The following ABL2 variants were observed in gnomAD, a reference collection of about 807,000 sequenced individuals.
The protein encoded by ABL2 is tyrosine-protein kinase ABL2.
A neutral mutation model predicts 107.7 loss-of-function variants in ABL2; 49 were observed. The observed-to-expected ratio is 0.45, with a 90% confidence interval of 0.36 to 0.58. The LOEUF is 0.58. ABL2 is among the 20% of genes least tolerant of loss of function. ABL2 has a pLI of 0.00. For synonymous variants in ABL2, 549 were observed against 548.6 expected (o/e 1.00, Z -0.01); for missense variants, 1,245 against 1,457.0 (o/e 0.85, Z 2.37).
chr1:179,212,777 T>C (rs1317642152), intron 1 of ABL2, among the ~76,000 whole-genome samples: 3 of 149,300 alleles, frequency 2.0e-5, no homozygotes, highest in African/African-American at 5.0e-5. Context: ...CTGGGCGTGG[T>C]GGCTCATGCC....
Position 179,210,593 on chromosome 1 carries a change from G to A in ABL2, c.157+18648C>T, listed in dbSNP as rs528512133. On this transcript the variant is annotated intron_variant, in intron 1 of 11. Coordinates refer to ENST00000502732, the MANE Select transcript of ABL2 (RefSeq NM_007314.4). The stretch of plus-strand genomic sequence containing the variant: ...TATTTCGCCAGGCGTGGTGGCTCAC[G>A]CCTATAATCCCAGCACTTTGAGGCC... 9.9e-5 allele frequency among the ~76,000 whole-genome samples: 15 copies of A among 151,178 alleles called. No individual in the cohort carries two copies. In the South Asian group the frequency reaches 3.1e-3, roughly 32 times the overall value.
At chr1:179,129,942 GTT>G (rs1346496007) in intron 3 of ABL2, among the ~76,000 whole-genome samples, 2 of 151,706 alleles carry the variant, frequency 1.3e-5, no homozygotes, top group Non-Finnish European at 2.9e-5. Context: ...CTATTCTTTT[GTT>G]TTTGTTTTTT....
intron 1 of ABL2, chr1:179,183,923 C>A: frequency 7.7e-6 from 2 of 259,592 alleles, no homozygotes; most frequent in South Asian, 5.3e-5. Flanking sequence ...GAAGAGACAT[C>A]ATCAGCCTCT....
Position 179,229,649 on chromosome 1 carries a change from G to GCCGCCGCCGCCGCCGCCGCCA in ABL2, c.-253_-252insTGGCGGCGGCGGCGGCGGCGG. 1 of 480,632 alleles carries GCCGCCGCCGCCGCCGCCGCCA rather than the reference G, an allele frequency of 2.1e-6. No individual in the cohort carries two copies. The highest frequency in any genetic ancestry group is 2.1e-5 in the African/African-American group (1 of 47,672). 29.8% of individuals were successfully genotyped at this position (480,632 alleles called of 1,614,324 possible). A position where few individuals can be genotyped will look rare whatever the true frequency, so the allele number is the denominator to read the frequency against. ...CGCCCCCAACGCCGCCGCCGCCGCCGCCGCCACCGCCGCCGCCATCTTTAA... is the reference window on the plus strand; with the variant it reads ...CGCCCCCAACGCCGCCGCCGCCGCCGCCGCCGCCGCCGCCGCCGCCACCGCCACCGCCGCCGCCATCTTTAA... On this transcript the variant is annotated 5_prime_UTR_variant, in exon 1 of 12. Transcript: ENST00000502732.
chr1:179,182,579 C>T (rs1039578315), intron 1 of ABL2, among the ~76,000 whole-genome samples: 2 of 152,170 alleles, frequency 1.3e-5, no homozygotes, highest in African/African-American at 2.4e-5. Flanking sequence ...GTTCCATCCA[C>T]GTTGCCACAA....
chr1:179,104,968 A>C lies in ABL2; in HGVS notation c.*2750T>G, dbSNP rs1178981803. On this transcript the variant is annotated 3_prime_UTR_variant, in exon 12 of 12. Transcript: ENST00000502732. ...AAGCTGGTCCTTTTCAAGTAGAAAA[A>C]GGAAAAACCTAAATTATGCTTGTAT... 1 of 226,444 alleles carries C rather than the reference A, an allele frequency of 4.4e-6. No homozygotes were observed. The highest frequency in any genetic ancestry group is 8.8e-6 in the Non-Finnish European group (1 of 113,878). The allele number at this position is 226,444 out of a possible 1,614,324, so 14.0% of individuals were successfully genotyped here.
chr1:179,172,323 T>G (rs1009868448), intron 1 of ABL2, among the ~76,000 whole-genome samples: 1 of 152,172 alleles, frequency 6.6e-6, no homozygotes, highest in Non-Finnish European at 1.5e-5. Flanking sequence ...CCTCTACCAC[T>G]CTCTGTATAT....
intron 4 of ABL2, among the ~76,000 whole-genome samples, chr1:179,124,855 T>C (rs1213256846): frequency 6.6e-6 from 1 of 152,206 alleles, no homozygotes; most frequent in Non-Finnish European, 1.5e-5. Context: ...TTGCATTATA[T>C]TTCAGATACC....
chr1:179,184,445 C>A, intron 1 of ABL2: 1 of 986,688 alleles, frequency 1.0e-6, no homozygotes. Flanking sequence ...GCTTCTTTAT[C>A]TGGTTTACTG....
intron 1 of ABL2, among the ~76,000 whole-genome samples, chr1:179,178,186 TAA>T (rs936342975): frequency 6.6e-5 from 10 of 151,542 alleles, no homozygotes; most frequent in Non-Finnish European, 1.2e-4. Context: ...TCACTTGACG[TAA>T]AGAGTTCCAG....
chr1:179,206,007 T>C lies in ABL2; in HGVS notation c.157+23234A>G, dbSNP rs149300101. On this transcript the variant is annotated intron_variant, in intron 1 of 11. Transcript: ENST00000502732. ...CTCTATTAGATAGGTATCATTATCATCTCTATTTTACAAATAAGGACATTG... is the reference window on the plus strand; with the variant it reads ...CTCTATTAGATAGGTATCATTATCACCTCTATTTTACAAATAAGGACATTG... 4.4e-3 allele frequency among the ~76,000 whole-genome samples: 665 copies of C among 152,324 alleles called. 1 individual carries two copies. The highest frequency in any genetic ancestry group is 0.01 in the Middle Eastern group (3 of 294).
chr1:179,220,270 G>A (rs916210688), intron 1 of ABL2, among the ~76,000 whole-genome samples: 1 of 152,224 alleles, frequency 6.6e-6, no homozygotes, highest in African/African-American at 2.4e-5. Context: ...CAAGTGAGAT[G>A]AAAGACATAA....
intron 1 of ABL2, among the ~76,000 whole-genome samples, chr1:179,186,416 T>C (rs755192085): frequency 2.6e-5 from 4 of 152,170 alleles, no homozygotes; most frequent in Non-Finnish European, 4.4e-5. Flanking sequence ...TTCGCTCTTC[T>C]TGCCCAGGCT....
chr1:179,140,183 G>A (rs1657445193), intron 1 of ABL2, among the ~76,000 whole-genome samples: 1 of 152,162 alleles, frequency 6.6e-6, no homozygotes, highest in Non-Finnish European at 1.5e-5. Flanking sequence ...GTCTTGCCCA[G>A]CATCTCCTGC....
intron 1 of ABL2, among the ~76,000 whole-genome samples, chr1:179,139,278 G>A (rs1027554020): frequency 3.9e-5 from 6 of 152,118 alleles, no homozygotes; most frequent in Non-Finnish European, 7.4e-5. Context: ...CGAGCCCACC[G>A]GGAGGAACGA....
At chr1:179,195,745 T>G (rs757520787) in intron 1 of ABL2, among the ~76,000 whole-genome samples, 1 of 152,190 alleles carries the variant, frequency 6.6e-6, no homozygotes, top group Non-Finnish European at 1.5e-5. Flanking sequence ...AACACAGATG[T>G]ACCTTGAAGA....
rs1653714965 is a variant in ABL2 at position 179,108,670 on chromosome 1, G to A, written c.2597C>T (p.Ser866Phe). The A allele has an allele frequency of 6.2e-7, 1 of 1,614,214 alleles. No homozygotes were observed. The highest frequency in any genetic ancestry group is 1.1e-5 in the South Asian group (1 of 91,076). The stretch of plus-strand genomic sequence containing the variant: ...CTTCTCTGTAATGGCTAGATCCCCA[G>A]AGGGTGTTCTGAGAGGAAGAGCTGT... ...GATALPLRTP[S>F]GDLAITEKDP... Residue 866 changes from serine to phenylalanine, a missense_variant, in exon 12 of 12, where the codon TCT (serine) becomes TTT (phenylalanine). This residue lies in a region of ABL2 where 761 missense variants were observed against 766.4 expected (regional missense o/e 0.99). Coordinates refer to ENST00000502732, the MANE Select transcript of ABL2 (RefSeq NM_007314.4).
intron 1 of ABL2, among the ~76,000 whole-genome samples, chr1:179,226,036 T>C (rs1571355250): frequency 1.3e-5 from 1 of 75,180 alleles, no homozygotes; most frequent in African/African-American, 5.8e-5. Context: ...AGAGTGAGAC[T>C]CCGCCTCAAA....
chr1:179,106,361 G>C lies in ABL2; in HGVS notation c.*1357C>G, dbSNP rs559353517. The C allele has an allele frequency of 4.3e-6, 1 of 231,216 alleles. No homozygotes were observed. The highest frequency in any genetic ancestry group is 1.8e-4 in the South Asian group (1 of 5,498). 14.3% of individuals were successfully genotyped at this position (231,216 alleles called of 1,614,324 possible). A position where few individuals can be genotyped will look rare whatever the true frequency, so the allele number is the denominator to read the frequency against. On this transcript the variant is annotated 3_prime_UTR_variant, in exon 12 of 12. Coordinates refer to ENST00000502732, the MANE Select transcript of ABL2 (RefSeq NM_007314.4). ...AGGATTAAGTCATTAGGTTCCCAGG[G>C]TCTACCTGGTGCTCCCTGAAAATGA...
Sources: allele counts gnomAD v4.1 joint callset (sites outside exome capture counted in the v4.1 genomes callset), GRCh38; gene constraint gnomAD v4.1.1; regional missense constraint gnomAD v4.1.1; transcripts MANE v1.5; gene names NCBI Gene and HGNC (gene_info 2026-07-23, HGNC 2026-07-21).